PRRG3: variants seen among roughly 807,000 people sequenced by gnomAD.
PRRG3 encodes proline rich and Gla domain 3.
Under a neutral mutation model 15.8 loss-of-function variants are expected in PRRG3, and 21 were observed. That is an observed-to-expected ratio of 1.33 (90% CI 0.94 to 1.92). PRRG3 has a LOEUF of 1.92. PRRG3 is among the 40% of genes most tolerant of loss of function. The pLI, the probability that PRRG3 is intolerant of heterozygous loss-of-function variation, is 0.00. For missense variants in PRRG3, 251 were observed against 200.2 expected (o/e 1.25, Z -1.53); for synonymous variants, 125 against 84.1 (o/e 1.49, Z -2.66).
At position 151,700,031 on chromosome X, in the gene PRRG3, A is replaced by C. The variant is rs1393275223; in HGVS notation, c.43A>C (p.Lys15Gln). ...LEAKDAHSVL[K>Q]RFPRANEFLE... ...GGCCAAGGATGCCCATTCGGTCCTGAAACGATTCCCTCGTGCCAATGAGTT... is the reference window on the plus strand; with the variant it reads ...GGCCAAGGATGCCCATTCGGTCCTGCAACGATTCCCTCGTGCCAATGAGTT... The change falls in exon 3 of 4, where the codon AAA becomes CAA. Residue 15 changes from lysine (K) to glutamine (Q), a missense_variant. Transcript: ENST00000674457. The C allele has an allele frequency of 8.3e-7, 1 of 1,210,074 alleles. No individual in the cohort carries two copies. The highest frequency in any genetic ancestry group is 1.1e-6 in the Non-Finnish European group (1 of 895,073).
At chrX:151,697,756 G>A (rs1218758625) in intron 1 of PRRG3, among the ~76,000 whole-genome samples, 1 of 108,365 alleles carries the variant, frequency 9.2e-6, no homozygotes, top group Non-Finnish European at 1.9e-5. Flanking sequence ...GAGCAGTGGG[G>A]TGATTGCTCC....
At position 151,700,905 on chromosome X, in the gene PRRG3, C is replaced by A. The variant is rs201822274; in HGVS notation, c.568C>A (p.Pro190Thr). The part of the protein sequence containing the change: ...LSLSRLSSTT[P>T]PPSYEEVTAP... ...TCTCTCCAGACTGTCCAGCACCACC[C>A]CTCCCCCCTCCTACGAGGAGGTGAC... Residue 190 changes from proline (P) to threonine (T), a missense_variant, in exon 4 of 4, where the codon CCT becomes ACT. Physicochemically the swap from Pro to Thr is conservative, Grantham distance 38. Coordinates refer to ENST00000674457, the MANE Select transcript of PRRG3 (RefSeq NM_001372163.1). 2 of 1,208,051 alleles carry A rather than the reference C, an allele frequency of 1.7e-6. No homozygotes were observed. The highest frequency in any genetic ancestry group is 3.0e-5 in the East Asian group (1 of 33,649).
At chrX:151,700,236 A>C in intron 3 of PRRG3, 80 bp downstream of exon 3, 2 of 1,203,137 alleles carry the variant, frequency 1.7e-6, no homozygotes, top group Non-Finnish European at 2.2e-6. Flanking sequence ...AATGCAGACC[A>C]ATCAGAAGCA....
chrX:151,700,899 A>C lies in PRRG3; in HGVS notation c.562A>C (p.Thr188Pro). 1 of 1,209,997 alleles carries C rather than the reference A, an allele frequency of 8.3e-7. No homozygotes were observed. The highest frequency in any genetic ancestry group is 1.1e-6 in the Non-Finnish European group (1 of 894,875). ...PELSLSRLSS[T>P]TPPPSYEEVT... ...GCTCTCTCTCTCCAGACTGTCCAGC[A>C]CCACCCCTCCCCCCTCCTACGAGGA... Residue 188 changes from threonine (T) to proline (P), a missense_variant, in exon 4 of 4, where the codon ACC (threonine) becomes CCC (proline). Transcript: ENST00000674457.
In PRRG3 at chrX:151,701,140, G is replaced by A. The variant is rs2014876066; in HGVS notation, c.*107G>A. On this transcript the variant is annotated 3_prime_UTR_variant, in exon 4 of 4. Transcript: ENST00000674457. ...ACCACAAAACAGCCTTAGCCTCCTTGTTGCCAAATAATTCCCTAACTGTGG... is the reference window on the plus strand; with the variant it reads ...ACCACAAAACAGCCTTAGCCTCCTTATTGCCAAATAATTCCCTAACTGTGG... 2 of 751,960 alleles carry A rather than the reference G, an allele frequency of 2.7e-6. No homozygotes were observed. The highest frequency in any genetic ancestry group is 3.6e-6 in the Non-Finnish European group (2 of 557,223). 62.0% of individuals were successfully genotyped at this position (751,960 alleles called of 1,213,427 possible).
At chrX:151,697,959 G>A (rs770102653) in intron 1 of PRRG3, among the ~76,000 whole-genome samples, 27 of 110,363 alleles carry the variant, frequency 2.4e-4, no homozygotes, top group Non-Finnish European at 4.3e-4. Flanking sequence ...CTCAGTGTCG[G>A]GCATCTAAAT....
rs2014946893 is a variant in PRRG3 at position 151,704,499 on chromosome X, C to T, written c.*3466C>T. 9.0e-6 allele frequency: 1 copy of T among 111,489 alleles called. No homozygotes were observed. Among genetic ancestry groups the T allele is most frequent in the Non-Finnish European group, 1.9e-5 (1 of 53,074 alleles). 9.2% of individuals were successfully genotyped at this position (111,489 alleles called of 1,213,427 possible). On this transcript the variant is annotated 3_prime_UTR_variant, in exon 4 of 4. Coordinates refer to ENST00000674457, the MANE Select transcript of PRRG3 (RefSeq NM_001372163.1). ...CAGCCAGAGTTGATCTTTTGACAACCCAGTGACATCCCATGAGAAGGAAGA... is the reference window on the plus strand; with the variant it reads ...CAGCCAGAGTTGATCTTTTGACAACTCAGTGACATCCCATGAGAAGGAAGA...
At position 151,698,795 on chromosome X, in the gene PRRG3, C is replaced by A. The variant is rs373456513; in HGVS notation, c.-20C>A. 3 of 1,204,929 alleles carry A rather than the reference C, an allele frequency of 2.5e-6. No individual in the cohort carries two copies. Among genetic ancestry groups the A allele is most frequent in the Admixed American group, 4.4e-5 (2 of 45,601 alleles). On this transcript the variant is annotated 5_prime_UTR_variant, in exon 2 of 4. Coordinates refer to ENST00000674457, the MANE Select transcript of PRRG3 (RefSeq NM_001372163.1). ...TTCTCTTACTCCAGAGAAGTGAGAC[C>A]CTGCAGCTGAGGGAGCATCATGGCA...
At chrX:151,699,841 G>A in intron 2 of PRRG3, 155 bp from the exon 3 acceptor site, 1 of 513,530 alleles carries the variant, frequency 1.9e-6, no homozygotes, top group Non-Finnish European at 3.1e-6. Flanking sequence ...TTCACAAAGG[G>A]CCGGCCATGT....
rs761475447 is a variant in PRRG3 at position 151,700,917 on chromosome X, T to C, written c.580T>C (p.Tyr194His). 7 of 1,208,269 alleles carry C rather than the reference T, an allele frequency of 5.8e-6. No individual in the cohort carries two copies. Among genetic ancestry groups the C allele is most frequent in the African/African-American group, 1.8e-5 (1 of 56,749 alleles). The change falls in exon 4 of 4, where the codon TAC (tyrosine) becomes CAC (histidine). Residue 194 changes from tyrosine to histidine, a missense_variant. Physicochemically the swap from Tyr to His is moderately conservative, Grantham distance 83 (BLOSUM62 2). Coordinates refer to ENST00000674457, the MANE Select transcript of PRRG3 (RefSeq NM_001372163.1). ...RLSSTTPPPS[Y>H]EEVTAPQESS... is the part of the protein sequence containing the mutation. ...GTCCAGCACCACCCCTCCCCCCTCC[T>C]ACGAGGAGGTGACTGCGCCCCAAGA...
At position 151,700,742 on chromosome X, in the gene PRRG3, C is replaced by T. The variant is rs1204176845; in HGVS notation, c.405C>T (p.Tyr135=). The part of the protein sequence containing the change: ...AGHTLPRVMV[Y]RGTVHSQGEP... ...ACACCCTCCCCCGGGTCATGGTGTA[C>T]CGGGGTACTGTGCATAGCCAAGGGG... Residue 135 remains tyrosine (Y), a synonymous_variant, in exon 4 of 4, where the codon TAC becomes TAT. Transcript: ENST00000674457. The T allele has an allele frequency of 8.3e-7, 1 of 1,208,606 alleles. No homozygotes were observed. The highest frequency in any genetic ancestry group is 3.0e-5 in the East Asian group (1 of 33,698).
Position 151,705,144 on chromosome X carries a change from G to A in PRRG3, c.*4111G>A, listed in dbSNP as rs1046294692. 1 of 282,571 alleles carries A rather than the reference G, an allele frequency of 3.5e-6. No homozygotes were observed. The highest frequency in any genetic ancestry group is 6.9e-6 in the Non-Finnish European group (1 of 144,911). 23.3% of individuals were successfully genotyped at this position (282,571 alleles called of 1,213,427 possible). A position where few individuals can be genotyped will look rare whatever the true frequency, so the allele number is the denominator to read the frequency against. ...GATCTCTTGTTCTCTCTCCATCACA[G>A]GGATGTTGGATATTGCAGCCTTTCA... On this transcript the variant is annotated 3_prime_UTR_variant, in exon 4 of 4. Coordinates refer to ENST00000674457, the MANE Select transcript of PRRG3 (RefSeq NM_001372163.1).
intron 2 of PRRG3, 73 bp downstream of exon 2, chrX:151,698,894 T>C: frequency 2.0e-6 from 2 of 988,972 alleles, no homozygotes; most frequent in South Asian, 4.4e-5. Context: ...TTTCAAGTCC[T>C]TCCCAGCTTC....
Position 151,701,467 on chromosome X carries a change from C to T in PRRG3, c.*434C>T. ...GGGTAAGGGAAGGAAGCCAGCCTTT[C>T]AGCACCCCTTACCCTCCACAGTTCT... On this transcript the variant is annotated 3_prime_UTR_variant, in exon 4 of 4. Transcript: ENST00000674457. The T allele has an allele frequency of 8.0e-6, 1 of 125,728 alleles. No individual in the cohort carries two copies. Among genetic ancestry groups the T allele is most frequent in the Non-Finnish European group, 1.6e-5 (1 of 61,485 alleles). 10.4% of individuals were successfully genotyped at this position (125,728 alleles called of 1,213,427 possible). A position where few individuals can be genotyped will look rare whatever the true frequency, so the allele number is the denominator to read the frequency against.
At position 151,701,801 on chromosome X, in the gene PRRG3, G is replaced by C. The variant is rs2014891657; in HGVS notation, c.*768G>C. 8.9e-6 allele frequency: 1 copy of C among 112,105 alleles called. No individual in the cohort carries two copies. The highest frequency in any genetic ancestry group is 3.2e-5 in the African/African-American group (1 of 30,792). The allele number at this position is 112,105 out of a possible 1,213,427, so 9.2% of individuals were successfully genotyped here. On this transcript the variant is annotated 3_prime_UTR_variant, in exon 4 of 4. Transcript: ENST00000674457. ...GACTCTGCCATTCAGTTTCTAGTGT[G>C]CTTGTCTCTCCAGACATGTGGACCA... is the stretch of plus-strand genomic sequence containing the variant.
Position 151,700,897 on chromosome X carries a change from G to A in PRRG3, c.560G>A (p.Ser187Asn). The change falls in exon 4 of 4, where the codon AGC becomes AAC. Residue 187 changes from serine to asparagine, a missense_variant. Transcript: ENST00000674457. ...GAGCTCTCTCTCTCCAGACTGTCCA[G>A]CACCACCCCTCCCCCCTCCTACGAG... is the stretch of plus-strand genomic sequence containing the variant. ...LPELSLSRLS[S>N]TTPPPSYEEV... 2.5e-6 allele frequency: 3 copies of A among 1,210,356 alleles called. No individual in the cohort carries two copies. Among genetic ancestry groups the A allele is most frequent in the Non-Finnish European group, 3.4e-6 (3 of 894,928 alleles).
At chrX:151,699,171 G>A (rs1038299801) in intron 2 of PRRG3, among the ~76,000 whole-genome samples, 1 of 112,840 alleles carries the variant, frequency 8.9e-6, no homozygotes. Context: ...GTGAACAACA[G>A]GAGCAAACGT....
At position 151,705,215 on chromosome X, in the gene PRRG3, GA is replaced by G. The variant is rs2014955873; in HGVS notation, c.*4183del. 3.0e-6 allele frequency: 1 copy of G among 328,116 alleles called. No homozygotes were observed. The highest frequency in any genetic ancestry group is 3.2e-5 in the Admixed American group (1 of 31,024). The allele number at this position is 328,116 out of a possible 1,213,427, so 27.0% of individuals were successfully genotyped here. A position where few individuals can be genotyped will look rare whatever the true frequency, so the allele number is the denominator to read the frequency against. On this transcript the variant is annotated 3_prime_UTR_variant, in exon 4 of 4. Transcript: ENST00000674457. Reference sequence around the variant, plus strand: ...TGTGAATAACATAGTTTGTGAACTAGACTGCAATTTAAACTAATACACATGA... The same window carrying G: ...TGTGAATAACATAGTTTGTGAACTAGCTGCAATTTAAACTAATACACATGA...
Position 151,698,521 on chromosome X carries a change from T to C in PRRG3, c.-31-263T>C, listed in dbSNP as rs891807488. 5.7e-5 allele frequency: 15 copies of C among 261,974 alleles called. No individual in the cohort carries two copies. In the South Asian group the frequency reaches 1.3e-3, roughly 22 times the overall value. 21.6% of individuals were successfully genotyped at this position (261,974 alleles called of 1,213,427 possible). On this transcript the variant is annotated intron_variant, in intron 1 of 3. Transcript: ENST00000674457. ...GTCAACCCTTGGTTCTTATAGATGC[T>C]CAGAACATGTTCTTGGGGGAAAACG...
Sources: gnomAD v4.1 joint callset for allele counts (sites outside exome capture counted in the v4.1 genomes callset) on GRCh38, gnomAD v4.1.1 for gene constraint, MANE v1.5 for transcripts, NCBI Gene and HGNC (gene_info 2026-07-23, HGNC 2026-07-21) for gene names.